GRM5: variants seen among roughly 807,000 people sequenced by gnomAD.
GRM5 encodes the protein glutamate metabotropic receptor 5.
GRM5 carries 19 observed loss-of-function variants against 83.1 expected under a neutral mutation model. The observed-to-expected ratio is 0.23, with a 90% confidence interval of 0.16 to 0.34. The LOEUF (loss-of-function observed/expected upper bound fraction) is 0.34. Ranked by LOEUF, GRM5 falls within the 10% of genes least tolerant of loss-of-function variation. The pLI is 1.00. For missense variants in GRM5, 1,160 were observed against 1,588.3 expected (o/e 0.73, Z 4.58); for synonymous variants, 675 against 633.6 (o/e 1.07, Z -0.98).
chr11:88,738,466 G>A (rs1308220316), intron 3 of GRM5, among the ~76,000 whole-genome samples: 1 of 152,036 alleles, frequency 6.6e-6, no homozygotes, highest in Non-Finnish European at 1.5e-5. Context: ...TGTATTAAGA[G>A]GTCTCTTTAA....
intron 2 of GRM5, among the ~76,000 whole-genome samples, chr11:89,011,822 C>T (rs545915276): frequency 6.6e-6 from 1 of 152,268 alleles, no homozygotes; most frequent in South Asian, 2.1e-4. Flanking sequence ...GATGCAATTA[C>T]TCTTAATCTA....
Position 88,848,919 on chromosome 11 carries a change from T to C in GRM5, c.911+987A>G, listed in dbSNP as rs605215. Among the ~76,000 whole-genome samples the C allele has an allele frequency of 3.1e-3, 467 of 152,300 alleles. 2 individuals are homozygous for C. The highest frequency in any genetic ancestry group is 5.6e-3 in the Admixed American group (86 of 15,288). ...AGTATTAAAAGGCTAAGAGGTAATGTTTTTTGCCTGATAGCATGAGATGGA... is the reference window on the plus strand; with the variant it reads ...AGTATTAAAAGGCTAAGAGGTAATGCTTTTTGCCTGATAGCATGAGATGGA... On this transcript the variant is annotated intron_variant, in intron 3 of 9. Transcript: ENST00000305447.
intron 9 of GRM5, among the ~76,000 whole-genome samples, chr11:88,511,481 G>A (rs79956321): frequency 0.038 from 5,801 of 152,028 alleles, 354 homozygotes; most frequent in African/African-American, 0.13. Flanking sequence ...TTCTTTCTCC[G>A]CTCTTTCCTG....
chr11:88,579,061 C>G (rs1943173266), intron 7 of GRM5, among the ~76,000 whole-genome samples: 1 of 152,098 alleles, frequency 6.6e-6, no homozygotes, highest in Non-Finnish European at 1.5e-5. Context: ...AATTTTCAAA[C>G]TCAATTTTCT....
At chr11:88,928,472 A>G (rs376961086) in intron 2 of GRM5, among the ~76,000 whole-genome samples, 67,323 of 108,050 alleles carry the variant, frequency 0.62, 17,038 homozygotes, top group South Asian at 0.72. Flanking sequence ...GTGTATATAT[A>G]TATATATATA....
At chr11:88,615,157 ACAACTGGCCTATTTGAGCAG>A (rs1463703451) in intron 4 of GRM5, among the ~76,000 whole-genome samples, 1 of 152,092 alleles carries the variant, frequency 6.6e-6, no homozygotes, top group East Asian at 1.9e-4. Flanking sequence ...GCATCTGGGA[ACAACTGGCCTATTTGAGCAG>A]CATTAGGATC....
At chr11:88,797,802 AAAC>A (rs1380681461) in intron 3 of GRM5, among the ~76,000 whole-genome samples, 2 of 147,760 alleles carry the variant, frequency 1.4e-5, no homozygotes, top group Non-Finnish European at 3.0e-5. Flanking sequence ...GCATCCCTTT[AAAC>A]ATTTTCATGA....
chr11:88,805,869 C>T (rs754269135), intron 3 of GRM5, among the ~76,000 whole-genome samples: 5 of 152,148 alleles, frequency 3.3e-5, no homozygotes, highest in Admixed American at 3.3e-4. Flanking sequence ...GTGTAGGAAT[C>T]TTCCCTTTAT....
chr11:88,528,070 C>A (rs564892075), intron 8 of GRM5, among the ~76,000 whole-genome samples: 2 of 150,438 alleles, frequency 1.3e-5, no homozygotes, highest in South Asian at 4.2e-4. Context: ...TGCACATATA[C>A]CCCTGAACCT....
At chr11:88,701,739 A>G (rs1941040884) in intron 3 of GRM5, among the ~76,000 whole-genome samples, 1 of 152,082 alleles carries the variant, frequency 6.6e-6, no homozygotes, top group South Asian at 2.1e-4. Flanking sequence ...ACAGGTCATA[A>G]ATGCGTTCTT....
chr11:88,624,109 G>T (rs535532333), intron 4 of GRM5, among the ~76,000 whole-genome samples: 2 of 152,232 alleles, frequency 1.3e-5, no homozygotes, highest in East Asian at 3.9e-4. Flanking sequence ...TTGTATGAAG[G>T]CCTATAGTCC....
chr11:89,014,519 G>A (rs1940800001), intron 2 of GRM5, among the ~76,000 whole-genome samples: 1 of 152,066 alleles, frequency 6.6e-6, no homozygotes, highest in Non-Finnish European at 1.5e-5. Flanking sequence ...ACCAGAGGCT[G>A]GGAAGGGAAG....
intron 3 of GRM5, among the ~76,000 whole-genome samples, chr11:88,845,683 T>C (rs1317632230): frequency 2.0e-5 from 3 of 151,302 alleles, no homozygotes; most frequent in Non-Finnish European, 2.9e-5. Context: ...TCCACCCGCC[T>C]CTGCCTCCCA....
At chr11:88,943,418 C>T (rs1474014412) in intron 2 of GRM5, among the ~76,000 whole-genome samples, 3 of 152,204 alleles carry the variant, frequency 2.0e-5, no homozygotes, top group East Asian at 3.9e-4. Context: ...CATAGAAATG[C>T]TCCCAATTCT....
At chr11:88,964,840 T>C (rs1304323626) in intron 2 of GRM5, among the ~76,000 whole-genome samples, 1 of 152,156 alleles carries the variant, frequency 6.6e-6, no homozygotes, top group Non-Finnish European at 1.5e-5. Context: ...AAAAGAATTA[T>C]ATCGAATTAT....
chr11:88,570,818 C>T (rs1360585830), intron 7 of GRM5, among the ~76,000 whole-genome samples: 2 of 151,368 alleles, frequency 1.3e-5, no homozygotes, highest in Non-Finnish European at 2.9e-5. Flanking sequence ...CCACCTTCCT[C>T]GGCCTCTCAA....
intron 8 of GRM5, among the ~76,000 whole-genome samples, chr11:88,546,240 C>A (rs1292866126): frequency 2.6e-5 from 4 of 151,890 alleles, no homozygotes; most frequent in Admixed American, 6.6e-5. Flanking sequence ...TCTTGCTTCT[C>A]TTTTTTTAAT....
At chr11:88,872,136 G>A (rs12293669) in intron 2 of GRM5, among the ~76,000 whole-genome samples, 2,448 of 151,374 alleles carry the variant, frequency 0.016, 65 homozygotes, top group African/African-American at 0.056. Flanking sequence ...GCATTGTTAA[G>A]GTATTCCTGG....
At chr11:88,898,919 G>A (rs1945274970) in intron 2 of GRM5, among the ~76,000 whole-genome samples, 1 of 151,932 alleles carries the variant, frequency 6.6e-6, no homozygotes, top group Non-Finnish European at 1.5e-5. Flanking sequence ...ATGGATGGAT[G>A]AACATGACTA....
Sources: gnomAD v4.1 joint callset for allele counts (sites outside exome capture counted in the v4.1 genomes callset) on GRCh38, gnomAD v4.1.1 for gene constraint, MANE v1.5 for transcripts, NCBI Gene and HGNC (gene_info 2026-07-23, HGNC 2026-07-21) for gene names.